Variants in TBC1D19 observed in about 807,000 individuals in gnomAD.
TBC1D19 encodes TBC1 domain family, member 19.
In TBC1D19, 60 loss-of-function variants were observed where a neutral mutation model predicts 89.0. The ratio of observed to expected loss-of-function variants is 0.67; its 90% CI spans 0.55 to 0.84. The LOEUF (loss-of-function observed/expected upper bound fraction) is 0.84. TBC1D19 is among the 40% of genes least tolerant of loss of function. TBC1D19 has a pLI of 0.00. For synonymous variants in TBC1D19, 189 were observed against 199.7 expected, an observed-to-expected ratio of 0.95 and a Z score of 0.45; for missense variants, 500 against 610.8, an observed-to-expected ratio of 0.82 and a Z score of 1.91.
At chr4:26,610,567 T>G (rs200346580) in intron 1 of TBC1D19, among the ~76,000 whole-genome samples, 2 of 152,014 alleles carry the variant, frequency 1.3e-5, no homozygotes, top group East Asian at 3.9e-4. Context: ...GTGTGCATAA[T>G]ACCCAATAGG....
the TBC1D19 span, among the ~76,000 whole-genome samples, chr4:26,783,364 A>C: frequency 6.6e-6 from 1 of 152,220 alleles, no homozygotes; most frequent in Non-Finnish European, 1.5e-5. Context: ...AATTAAAGGC[A>C]TAAGGAGTGA....
chr4:26,741,140 A>C (rs1241980244), intron 17 of TBC1D19, among the ~76,000 whole-genome samples: 1 of 152,038 alleles, frequency 6.6e-6, no homozygotes. Flanking sequence ...GTGGATCATG[A>C]GGTCAGGAGA....
chr4:26,773,844 T>C, the TBC1D19 span, among the ~76,000 whole-genome samples: 3 of 152,174 alleles, frequency 2.0e-5, no homozygotes, highest in African/African-American at 7.2e-5. Flanking sequence ...CTTGTACCAG[T>C]ACTATGCAGT....
the TBC1D19 span, among the ~76,000 whole-genome samples, chr4:26,796,443 T>C: frequency 6.6e-6 from 1 of 152,208 alleles, no homozygotes; most frequent in Admixed American, 6.5e-5. Context: ...GGGTATCTTT[T>C]AAGAATAATG....
chr4:26,842,340 CTTTTT>C, the TBC1D19 span, among the ~76,000 whole-genome samples: 1 of 81,576 alleles, frequency 1.2e-5, no homozygotes, highest in African/African-American at 4.6e-5. Flanking sequence ...CTTTTCTTTT[CTTTTT>C]TTTTTTTTTT....
intron 11 of TBC1D19, among the ~76,000 whole-genome samples, chr4:26,675,980 T>C (rs1404614917): frequency 6.6e-6 from 1 of 152,236 alleles, no homozygotes; most frequent in Non-Finnish European, 1.5e-5. Flanking sequence ...CATTTCTAGG[T>C]ATGTGTCAAA....
chr4:26,635,274 C>T (rs188801956), intron 4 of TBC1D19, among the ~76,000 whole-genome samples: 259 of 152,156 alleles, frequency 1.7e-3, no homozygotes, highest in African/African-American at 6.1e-3. Flanking sequence ...GATACTTAAT[C>T]TGACATCAGA....
chr4:26,832,822 C>A, the TBC1D19 span, among the ~76,000 whole-genome samples: 92 of 152,144 alleles, frequency 6.0e-4, 1 homozygote, highest in African/African-American at 2.2e-3. Context: ...GGCAAAACCC[C>A]ATCTCTACTA....
At chr4:26,774,908 A>G in the TBC1D19 span, among the ~76,000 whole-genome samples, 1 of 152,220 alleles carries the variant, frequency 6.6e-6, no homozygotes, top group Non-Finnish European at 1.5e-5. Flanking sequence ...TCTCCATTAC[A>G]TATGAGCAGC....
intron 3 of TBC1D19, among the ~76,000 whole-genome samples, chr4:26,617,873 T>C (rs1364102285): frequency 6.6e-6 from 1 of 152,236 alleles, no homozygotes; most frequent in African/African-American, 2.4e-5. Flanking sequence ...TTTGCTGTTA[T>C]AGTAGATATA....
At position 26,643,573 on chromosome 4, in the gene TBC1D19, G is replaced by T. The variant is rs181830253; in HGVS notation, c.480+3386G>T. The stretch of plus-strand genomic sequence containing the variant: ...CTAGCAGAAGGCAAGAAATAACTAA[G>T]ATCAGAGCAGAACTGAAGGAGATAG... On this transcript the variant is annotated intron_variant, in intron 7 of 20. Transcript: ENST00000264866. Among the ~76,000 whole-genome samples the T allele has an allele frequency of 5.3e-3, 813 of 152,178 alleles. 24 individuals carry two copies. The highest frequency in any genetic ancestry group is 0.049 in the Admixed American group (755 of 15,276).
the TBC1D19 span, among the ~76,000 whole-genome samples, chr4:26,849,223 C>G: frequency 1.3e-5 from 2 of 151,210 alleles, no homozygotes; most frequent in East Asian, 3.9e-4. Context: ...CACACACACA[C>G]ACACACACGG....
the TBC1D19 span, among the ~76,000 whole-genome samples, chr4:26,838,952 A>G: frequency 3.0e-4 from 45 of 152,264 alleles, no homozygotes; most frequent in African/African-American, 9.2e-4. Context: ...TATATGAACA[A>G]ACAAGCCCAC....
At chr4:26,584,668 C>G (rs1739310146) in intron 1 of TBC1D19, among the ~76,000 whole-genome samples, 1 of 152,112 alleles carries the variant, frequency 6.6e-6, no homozygotes. Context: ...TTGGACCATG[C>G]CTTCCCTCAC....
At chr4:26,816,981 G>A in the TBC1D19 span, among the ~76,000 whole-genome samples, 1 of 152,050 alleles carries the variant, frequency 6.6e-6, no homozygotes, top group South Asian at 2.1e-4. Context: ...TGAATTTTGG[G>A]CTTCTAGATT....
chr4:26,728,266 G>C (rs1294622455), intron 15 of TBC1D19, among the ~76,000 whole-genome samples: 1 of 152,186 alleles, frequency 6.6e-6, no homozygotes, highest in Non-Finnish European at 1.5e-5. Flanking sequence ...AAGTAAGGCT[G>C]TCAGGTTTTT....
chr4:26,735,533 T>A, intron 16 of TBC1D19, 46 bp downstream of exon 16: 2 of 1,454,426 alleles, frequency 1.4e-6, no homozygotes, highest in Non-Finnish European at 1.9e-6. Flanking sequence ...AAACATACAA[T>A]GTTATCTGTC....
the TBC1D19 span, among the ~76,000 whole-genome samples, chr4:26,775,874 A>G: frequency 1.3e-5 from 2 of 152,064 alleles, no homozygotes; most frequent in Non-Finnish European, 2.9e-5. Flanking sequence ...TTTTAATATC[A>G]TTGTGAACTT....
At chr4:26,576,810 CAAGGGCCAGGTATGACCAGGTA>C (rs1378737698) in intron 1 of TBC1D19, 5 of 456,038 alleles carry the variant, frequency 1.1e-5, no homozygotes, top group Non-Finnish European at 2.2e-5. Flanking sequence ...ATGACCAGGA[CAAGGGCCAGGTATGACCAGGTA>C]AAGGGCTATG....
Sources: allele counts gnomAD v4.1 joint callset (sites outside exome capture counted in the v4.1 genomes callset), GRCh38; gene constraint gnomAD v4.1.1; transcripts MANE v1.5; gene names NCBI Gene and HGNC (gene_info 2026-07-23, HGNC 2026-07-21).